The following TBC1D32 variants were observed in gnomAD, a reference collection of about 807,000 sequenced individuals.
TBC1D32 encodes protein broad-minded.
A neutral mutation model predicts 170.3 loss-of-function variants in TBC1D32; 151 were observed. The observed-to-expected ratio is 0.89, with a 90% CI of 0.78 to 1.01. TBC1D32 has a LOEUF of 1.01. Ranked by LOEUF, TBC1D32 falls within the 50% of genes least tolerant of loss-of-function variation. The probability of loss-of-function intolerance (pLI) is 0.00; values close to 1 mark genes in which losing one functional copy is unlikely to be tolerated. For missense variants in TBC1D32, 1,464 were observed against 1,457.1 expected (o/e 1.00, Z -0.08); for synonymous variants, 498 against 488.0 (o/e 1.02, Z -0.27).
chr6:121,271,057 C>G (rs909622743), intron 15 of TBC1D32, among the ~76,000 whole-genome samples: 7 of 152,230 alleles, frequency 4.6e-5, no homozygotes, highest in Admixed American at 3.3e-4. Context: ...AATAAAAATT[C>G]AACAGCCCTT....
intron 7 of TBC1D32, 33 bp downstream of exon 7, chr6:121,304,489 T>C (rs752534295): frequency 6.2e-7 from 1 of 1,601,980 alleles, no homozygotes; most frequent in East Asian, 2.2e-5. Context: ...ACTAAATAAA[T>C]AAAAATGAAA....
At position 121,304,838 on chromosome 6, in the gene TBC1D32, G is replaced by A. The variant is rs567675120; in HGVS notation, c.691-5C>T. ...ACAGAATTTTAAAATCCGGTCCTAC[G>A]GAAATGAGACAGAAAATTTGCATCT... is the stretch of plus-strand genomic sequence containing the variant. On this transcript the variant is annotated splice_polypyrimidine_tract_variant and splice_region_variant and intron_variant, in intron 5 of 31. Transcript: ENST00000398212. 2.4e-5 allele frequency: 38 copies of A among 1,599,380 alleles called. No homozygotes were observed. Among genetic ancestry groups the A allele is most frequent in the East Asian group, 2.2e-4 (10 of 44,620 alleles).
At chr6:121,149,201 G>A (rs1783882432) in intron 24 of TBC1D32, among the ~76,000 whole-genome samples, 1 of 152,076 alleles carries the variant, frequency 6.6e-6, no homozygotes, top group Non-Finnish European at 1.5e-5. Context: ...CTCCCATTCT[G>A]TAGGTTGCCT....
At chr6:121,263,035 A>T (rs1326346546) in intron 15 of TBC1D32, among the ~76,000 whole-genome samples, 2 of 152,148 alleles carry the variant, frequency 1.3e-5, no homozygotes, top group Non-Finnish European at 2.9e-5. Context: ...TGTGCAAAAT[A>T]ACCAGCTGGC....
intron 20 of TBC1D32, among the ~76,000 whole-genome samples, chr6:121,229,947 A>ACT (rs939225975): frequency 6.7e-6 from 1 of 149,394 alleles, no homozygotes; most frequent in Middle Eastern, 3.4e-3. Flanking sequence ...GTTCCCCTTC[A>ACT]CTCTCTCTCT....
At chr6:121,185,594 G>C (rs1437759906) in intron 22 of TBC1D32, among the ~76,000 whole-genome samples, 1 of 152,096 alleles carries the variant, frequency 6.6e-6, no homozygotes, top group African/African-American at 2.4e-5. Context: ...CCTGGACTCA[G>C]AAGATAGTAA....
rs150553873 is a variant in TBC1D32, at chr6:121,161,337, T to C, written c.2571-281A>G. ...AGCATCCATGAGCTATTCTTTCTGATGCTCTCCCTCCTCCCCAGCTTCACC... is the reference window on the plus strand; with the variant it reads ...AGCATCCATGAGCTATTCTTTCTGACGCTCTCCCTCCTCCCCAGCTTCACC... On this transcript the variant is annotated intron_variant, in intron 22 of 31. Transcript: ENST00000398212. Among the ~76,000 whole-genome samples, 117 of 152,300 alleles carry C rather than the reference T, an allele frequency of 7.7e-4. 1 individual carries two copies. Among genetic ancestry groups the C allele is most frequent in the Middle Eastern group, 3.4e-3 (1 of 294 alleles).
intron 21 of TBC1D32, among the ~76,000 whole-genome samples, chr6:121,211,610 C>CCAA (rs1793073265): frequency 6.6e-6 from 1 of 152,168 alleles, no homozygotes; most frequent in Non-Finnish European, 1.5e-5. Flanking sequence ...GTAATCGTCT[C>CCAA]CAATTCCATC....
At chr6:121,159,902 G>A in intron 24 of TBC1D32, 108 bp downstream of exon 24, 2 of 731,184 alleles carry the variant, frequency 2.7e-6, no homozygotes, top group Non-Finnish European at 4.6e-6. Flanking sequence ...ATGCACACAT[G>A]TATACATGCT....
intron 22 of TBC1D32, among the ~76,000 whole-genome samples, chr6:121,186,748 C>A (rs919688689): frequency 3.3e-5 from 5 of 151,836 alleles, no homozygotes; most frequent in African/African-American, 1.2e-4. Context: ...ACTAAAGTAA[C>A]AAAGAAGAAA....
At chr6:121,328,557 TAC>T (rs1810783228) in intron 1 of TBC1D32, among the ~76,000 whole-genome samples, 1 of 152,160 alleles carries the variant, frequency 6.6e-6, no homozygotes, top group African/African-American at 2.4e-5. Flanking sequence ...GTGTTGGGAT[TAC>T]AGGCGTGAGC....
intron 20 of TBC1D32, among the ~76,000 whole-genome samples, chr6:121,233,851 G>A (rs1422461310): frequency 6.6e-6 from 1 of 152,074 alleles, no homozygotes; most frequent in Non-Finnish European, 1.5e-5. Context: ...GGTGTATTTC[G>A]AGAATTTGTT....
intron 14 of TBC1D32, among the ~76,000 whole-genome samples, chr6:121,281,111 T>C (rs1583546543): frequency 1.3e-5 from 2 of 151,888 alleles, no homozygotes; most frequent in East Asian, 3.9e-4. Context: ...ATTGGAATTC[T>C]ATATAAGTGT....
chr6:121,113,192 C>T lies in TBC1D32; in HGVS notation c.3054-15G>A. 6.5e-7 allele frequency: 1 copy of T among 1,534,988 alleles called. No homozygotes were observed. Among genetic ancestry groups the T allele is most frequent in the Non-Finnish European group, 8.9e-7 (1 of 1,124,238 alleles). ...ATTTGCCATACCTATATTAAAAGCC[C>T]ACAAAACATAAAACATATCAGGTCT... On this transcript the variant is annotated splice_polypyrimidine_tract_variant and intron_variant, in intron 27 of 31. Transcript: ENST00000398212.
At chr6:121,090,794 T>C in intron 31 of TBC1D32, 59 bp downstream of exon 31, 1 of 1,486,326 alleles carries the variant, frequency 6.7e-7, no homozygotes, top group Non-Finnish European at 9.2e-7. Flanking sequence ...GTATCTAATA[T>C]TAAGCAACCA....
chr6:121,132,772 T>A (rs1370736900), intron 24 of TBC1D32, among the ~76,000 whole-genome samples: 3 of 151,940 alleles, frequency 2.0e-5, no homozygotes, highest in Non-Finnish European at 4.4e-5. Context: ...CAGATTCCAT[T>A]TAATTGCATA....
chr6:121,321,696 C>G lies in TBC1D32; in HGVS notation c.254G>C (p.Gly85Ala). ...MEKCTSDRNQ[G>A]EECGYDTVVQ... ...AACTGTATCATAGCCGCATTCTTCA[C>G]CCTGATTCCGATCAGATGTGCATTT... is the stretch of plus-strand genomic sequence containing the variant. The change falls in exon 2 of 32, where the codon GGT becomes GCT. Residue 85 changes from glycine (G) to alanine (A), a missense_variant. Around this residue, in one of 3 missense-constraint regions of TBC1D32, gnomAD observed 1,363 missense variants for 1,338.1 expected, o/e 1.02. Transcript: ENST00000398212. The G allele has an allele frequency of 1.2e-6, 2 of 1,614,064 alleles. No homozygotes were observed. Among genetic ancestry groups the G allele is most frequent in the Non-Finnish European group, 1.7e-6 (2 of 1,179,984 alleles).
rs568453038 is a variant in TBC1D32, at chr6:121,288,489, T to G, written c.1372+3564A>C. ...ATCTCTGAATAGACCAATAACAGGC[T>G]CTGAAATTCAGGCAATAATTAATAC... On this transcript the variant is annotated intron_variant, in intron 12 of 31. Coordinates refer to ENST00000398212, the MANE Select transcript of TBC1D32 (RefSeq NM_152730.6). Among the ~76,000 whole-genome samples, 10 of 152,210 alleles carry G rather than the reference T, an allele frequency of 6.6e-5. No homozygotes were observed. In the South Asian group the frequency reaches 2.1e-3, roughly 32 times the overall value.
chr6:121,256,383 T>C, intron 15 of TBC1D32, 98 bp from the exon 16 acceptor site: 1 of 969,866 alleles, frequency 1.0e-6, no homozygotes, highest in Non-Finnish European at 1.5e-6. Context: ...AACTTAGTCC[T>C]CCTCTAACTT....
Sources: allele counts gnomAD v4.1 joint callset (sites outside exome capture counted in the v4.1 genomes callset), GRCh38; gene constraint gnomAD v4.1.1; regional missense constraint gnomAD v4.1.1; transcripts MANE v1.5; gene names NCBI Gene and HGNC (gene_info 2026-07-23, HGNC 2026-07-21).